The following C5orf24 variants were observed in gnomAD, a reference collection of about 807,000 sequenced individuals.
C5orf24 encodes chromosome 5 open reading frame 24, also known as UPF0461 protein C5orf24.
C5orf24 carries 4 observed loss-of-function variants against 9.8 expected under a neutral mutation model. The ratio of observed to expected loss-of-function variants is 0.41; its 90% CI spans 0.20 to 0.93. The LOEUF is 0.93. Ranked by LOEUF, C5orf24 falls within the 40% of genes least tolerant of loss-of-function variation. The pLI, the probability that C5orf24 is intolerant of heterozygous loss-of-function variation, is 0.33. For synonymous variants in C5orf24, 73 were observed against 81.3 expected, an observed-to-expected ratio of 0.90 and a Z score of 0.55; for missense variants, 170 against 236.9, an observed-to-expected ratio of 0.72 and a Z score of 1.85.
At chr5:134,839,449 GTATC>G in the C5orf24 span, among the ~76,000 whole-genome samples, 82 of 152,176 alleles carry the variant, frequency 5.4e-4, no homozygotes, top group African/African-American at 1.9e-3. Flanking sequence ...ATTTAAATCC[GTATC>G]TATCTTCATT....
In C5orf24 at chr5:134,857,439, G is replaced by A; in HGVS notation, c.*1972G>A. 6.5e-7 allele frequency: 1 copy of A among 1,536,938 alleles called. No homozygotes were observed. The highest frequency in any genetic ancestry group is 1.2e-5 in the South Asian group (1 of 81,890). On this transcript the variant is annotated 3_prime_UTR_variant, in exon 2 of 2. Coordinates refer to ENST00000394976, the MANE Select transcript of C5orf24 (RefSeq NM_001135586.1). ...TTTATGCTGCTCTTTACAGTAAGAG[G>A]TGTTGCATTGTATGTGGGGACTATG...
chr5:134,851,000 A>G (rs1756145417), intron 1 of C5orf24, among the ~76,000 whole-genome samples: 1 of 143,298 alleles, frequency 7.0e-6, no homozygotes, highest in Admixed American at 6.8e-5. Flanking sequence ...ACATATATTT[A>G]TTTATTTATT....
Position 134,858,869 on chromosome 5 carries a change from T to A in C5orf24, c.*3402T>A, listed in dbSNP as rs979124120. 3.6e-5 allele frequency: 6 copies of A among 166,570 alleles called. No individual in the cohort carries two copies. Among genetic ancestry groups the A allele is most frequent in the African/African-American group, 1.4e-4 (6 of 41,470 alleles). The allele number at this position is 166,570 out of a possible 1,614,324, so 10.3% of individuals were successfully genotyped here. A position where few individuals can be genotyped will look rare whatever the true frequency, so the allele number is the denominator to read the frequency against. ...ATTTAGGGACATTTTAAAAAATCAATGTTTTAATTAGACTAAAAATTCTTT... is the reference window on the plus strand; with the variant it reads ...ATTTAGGGACATTTTAAAAAATCAAAGTTTTAATTAGACTAAAAATTCTTT... On this transcript the variant is annotated 3_prime_UTR_variant, in exon 2 of 2. Transcript: ENST00000394976.
At chr5:134,839,296 A>G in the C5orf24 span, among the ~76,000 whole-genome samples, 1 of 152,046 alleles carries the variant, frequency 6.6e-6, no homozygotes, top group Non-Finnish European at 1.5e-5. Flanking sequence ...GATATGTTTG[A>G]TTGTCCATTT....
rs1386092983 is a variant in C5orf24, at chr5:134,855,714, C to A, written c.*247C>A. The A allele has an allele frequency of 7.3e-7, 1 of 1,376,520 alleles. No homozygotes were observed. The highest frequency in any genetic ancestry group is 9.4e-7 in the Non-Finnish European group (1 of 1,062,472). The allele number at this position is 1,376,520 out of a possible 1,614,324, so 85.3% of individuals were successfully genotyped here. ...CCTAACTAAATCATTTTTCCTTTTC[C>A]TTTAGAGTTATGGTCATGTCTCATG... On this transcript the variant is annotated 3_prime_UTR_variant, in exon 2 of 2. Coordinates refer to ENST00000394976, the MANE Select transcript of C5orf24 (RefSeq NM_001135586.1).
At chr5:134,836,892 G>A in the C5orf24 span, among the ~76,000 whole-genome samples, 1 of 152,042 alleles carries the variant, frequency 6.6e-6, no homozygotes, top group Admixed American at 6.6e-5. Context: ...TACTGTATTG[G>A]TATAACAGTT....
chr5:134,850,919 C>CATATATATATATATATATATATAT (rs201093286), intron 1 of C5orf24, among the ~76,000 whole-genome samples: 33 of 140,462 alleles, frequency 2.3e-4, no homozygotes, highest in African/African-American at 8.6e-4. Context: ...TATGAATGTT[C>CATATATATATATATATATATATAT]ATATATATAT....
rs1240689484 is a variant in C5orf24 at position 134,858,484 on chromosome 5, C to T, written c.*3017C>T. On this transcript the variant is annotated 3_prime_UTR_variant, in exon 2 of 2. Transcript: ENST00000394976. ...ATCAGTTGGGGAAAACTGGCCTTTT[C>T]TCCCCCACTGTATGATTGTTTCTTG... 1.2e-5 allele frequency: 2 copies of T among 166,974 alleles called. No individual in the cohort carries two copies. Among genetic ancestry groups the T allele is most frequent in the Non-Finnish European group, 2.9e-5 (2 of 68,100 alleles). The allele number at this position is 166,974 out of a possible 1,614,324, so 10.3% of individuals were successfully genotyped here. A position where few individuals can be genotyped will look rare whatever the true frequency, so the allele number is the denominator to read the frequency against.
intron 1 of C5orf24, among the ~76,000 whole-genome samples, chr5:134,852,229 C>T (rs901724683): frequency 4.6e-5 from 7 of 152,320 alleles, no homozygotes; most frequent in East Asian, 3.9e-4. Context: ...CGTGAGCCAC[C>T]GCGCCTGGCC....
chr5:134,855,341 T>G lies in C5orf24; in HGVS notation c.441T>G (p.Ala147=). The G allele has an allele frequency of 6.2e-7, 1 of 1,614,126 alleles. No homozygotes were observed. Among genetic ancestry groups the G allele is most frequent in the Non-Finnish European group, 8.5e-7 (1 of 1,180,036 alleles). Residue 147 remains alanine, a synonymous_variant, in exon 2 of 2, where the codon GCT becomes GCG. Transcript: ENST00000394976. ...GCAGACCTCCAGGTAGCATTAAAGC[T>G]CTATCCCGTCTTGCCGATCTTGGTT... ...SPGRPPGSIK[A]LSRLADLGYG... is the part of the protein sequence containing the mutation.
At chr5:134,844,222 C>G (rs1432750112), upstream of C5orf24, among the ~76,000 whole-genome samples, 2 of 152,126 alleles carry the variant, frequency 1.3e-5, no homozygotes, top group Non-Finnish European at 2.9e-5. Flanking sequence ...AGAAAAAAAA[C>G]TTGTTTTTAG....
chr5:134,851,620 A>G (rs1240169816), intron 1 of C5orf24, among the ~76,000 whole-genome samples: 6 of 152,144 alleles, frequency 3.9e-5, no homozygotes, highest in Non-Finnish European at 8.8e-5. Context: ...CAGTGCTGCT[A>G]TTGAAAAACC....
At chr5:134,844,800 C>T (rs1755949669), upstream of C5orf24, among the ~76,000 whole-genome samples, 1 of 152,240 alleles carries the variant, frequency 6.6e-6, no homozygotes, top group East Asian at 1.9e-4. Flanking sequence ...TGCAGTGGTG[C>T]GATCTCGGCT....
the C5orf24 span, among the ~76,000 whole-genome samples, chr5:134,835,911 C>T: frequency 6.6e-6 from 1 of 151,946 alleles, no homozygotes; most frequent in Non-Finnish European, 1.5e-5. Flanking sequence ...GTTGCCCAGG[C>T]TAATCTTAGA....
At position 134,858,536 on chromosome 5, in the gene C5orf24, T is replaced by C. The variant is rs537251797; in HGVS notation, c.*3069T>C. 10 of 167,144 alleles carry C rather than the reference T, an allele frequency of 6.0e-5. No homozygotes were observed. The highest frequency in any genetic ancestry group is 2.2e-4 in the African/African-American group (9 of 41,592). The allele number at this position is 167,144 out of a possible 1,614,324, so 10.4% of individuals were successfully genotyped here. ...AAGGTAAATTGCTAATTTTATACAG[T>C]GTAATTCTGTTCTTCACAAAATAGG... On this transcript the variant is annotated 3_prime_UTR_variant, in exon 2 of 2. Coordinates refer to ENST00000394976, the MANE Select transcript of C5orf24 (RefSeq NM_001135586.1).
rs771429600 is a variant in C5orf24 at position 134,855,436 on chromosome 5, C to G, written c.536C>G (p.Thr179Ser). The change falls in exon 2 of 2, where the codon ACT becomes AGT. Residue 179 changes from threonine to serine, a missense_variant. By Grantham distance (58) the Thr-to-Ser change is moderately conservative. This residue lies in a region of C5orf24 where 56 missense variants were observed against 60.3 expected (regional missense o/e 0.93). Coordinates refer to ENST00000394976, the MANE Select transcript of C5orf24 (RefSeq NM_001135586.1). ...HGRAVHGVEETSSEVKPPNE is the reference protein window; with the variant it reads ...HGRAVHGVEESSSEVKPPNE ...AGAGCAGTTCATGGGGTAGAGGAAACTAGCAGTGAAGTCAAACCACCCAAT... is the reference window on the plus strand; with the variant it reads ...AGAGCAGTTCATGGGGTAGAGGAAAGTAGCAGTGAAGTCAAACCACCCAAT... The G allele has an allele frequency of 6.2e-7, 1 of 1,614,136 alleles. No individual in the cohort carries two copies. Among genetic ancestry groups the G allele is most frequent in the Non-Finnish European group, 8.5e-7 (1 of 1,180,028 alleles).
rs368013222 is a variant in C5orf24, at chr5:134,855,509, G to A, written c.*42G>A. ...GGGCCAGGTTTAGAAGGAAGATTGT[G>A]AATAATCCCAAAGCTTCTTGGTTTT... is the stretch of plus-strand genomic sequence containing the variant. On this transcript the variant is annotated 3_prime_UTR_variant, in exon 2 of 2. Coordinates refer to ENST00000394976, the MANE Select transcript of C5orf24 (RefSeq NM_001135586.1). 1.9e-5 allele frequency: 31 copies of A among 1,603,176 alleles called. No homozygotes were observed. The highest frequency in any genetic ancestry group is 2.4e-5 in the Non-Finnish European group (28 of 1,177,568).
In C5orf24 at chr5:134,857,780, A is replaced by G. The variant is rs1215091688; in HGVS notation, c.*2313A>G. 1 of 185,746 alleles carries G rather than the reference A, an allele frequency of 5.4e-6. No homozygotes were observed. Among genetic ancestry groups the G allele is most frequent in the African/African-American group, 2.4e-5 (1 of 42,258 alleles). The allele number at this position is 185,746 out of a possible 1,614,324, so 11.5% of individuals were successfully genotyped here. ...AAATCTTTTTCAAGCCAGTTTCTAA[A>G]GACATTTGTTTAATGTTCTACCATA... is the stretch of plus-strand genomic sequence containing the variant. On this transcript the variant is annotated 3_prime_UTR_variant, in exon 2 of 2. Transcript: ENST00000394976.
At chr5:134,852,241 A>G (rs1443617525) in intron 1 of C5orf24, among the ~76,000 whole-genome samples, 1 of 151,988 alleles carries the variant, frequency 6.6e-6, no homozygotes, top group Non-Finnish European at 1.5e-5. Context: ...CGCCTGGCCA[A>G]TAATCTAGTT....
Sources: gnomAD v4.1 joint callset for allele counts (sites outside exome capture counted in the v4.1 genomes callset) on GRCh38, gnomAD v4.1.1 for gene constraint, gnomAD v4.1.1 regional missense constraint, MANE v1.5 for transcripts, NCBI Gene and HGNC (gene_info 2026-07-23, HGNC 2026-07-21) for gene names.